Variants in GULP1 observed in about 807,000 individuals in gnomAD.
GULP1 encodes the protein GULP PTB domain containing engulfment adaptor 1.
GULP1 carries 19 observed loss-of-function variants against 40.9 expected under a neutral mutation model. The ratio of observed to expected loss-of-function variants is 0.46; its 90% CI spans 0.32 to 0.68. GULP1 has a LOEUF of 0.68. Ranked by LOEUF, GULP1 falls within the 30% of genes least tolerant of loss-of-function variation. GULP1 has a pLI of 0.03. For missense variants in GULP1, 312 were observed against 362.2 expected, an observed-to-expected ratio of 0.86 and a Z score of 1.12; for synonymous variants, 119 against 117.6, an observed-to-expected ratio of 1.01 and a Z score of -0.08.
chr2:188,463,799 G>A (rs2059905242), intron 2 of GULP1, among the ~76,000 whole-genome samples: 1 of 151,890 alleles, frequency 6.6e-6, no homozygotes, highest in Admixed American at 6.6e-5. Flanking sequence ...AGACTCTGAT[G>A]CATTCTTTGG....
rs532020861 is a variant in GULP1, at chr2:188,432,334, A to T, written c.-44-45325A>T. ...TTATTTTTAATAGTTTACCTAGATT[A>T]CTTATGAAAAACTGAGATATTAGAA... On this transcript the variant is annotated intron_variant, in intron 2 of 11. Coordinates refer to ENST00000409830, the MANE Select transcript of GULP1 (RefSeq NM_016315.4). Among the ~76,000 whole-genome samples, 4 of 151,962 alleles carry T rather than the reference A, an allele frequency of 2.6e-5. No individual in the cohort carries two copies. In the South Asian group the frequency reaches 8.3e-4, roughly 32 times the overall value.
chr2:188,571,418 T>C (rs543550815), intron 9 of GULP1, among the ~76,000 whole-genome samples: 1 of 152,072 alleles, frequency 6.6e-6, no homozygotes, highest in Non-Finnish European at 1.5e-5. Flanking sequence ...AAACTCACAT[T>C]TTTCCACCTC....
At chr2:188,569,420 T>A (rs891456072) in intron 8 of GULP1, 65 bp downstream of exon 8, 1 of 853,432 alleles carries the variant, frequency 1.2e-6, no homozygotes, top group Non-Finnish European at 2.0e-6. Flanking sequence ...TTGCATATCG[T>A]CAAACAAATT....
rs113726657 is a variant in GULP1 at position 188,413,045 on chromosome 2, A to G, written c.-45+29156A>G. On this transcript the variant is annotated intron_variant, in intron 2 of 11. Transcript: ENST00000409830. ...GTGATTTGTCCAAATACATTCAGCAATGTAACACTGGAGACAGTTAAACTC... is the reference window on the plus strand; with the variant it reads ...GTGATTTGTCCAAATACATTCAGCAGTGTAACACTGGAGACAGTTAAACTC... Among the ~76,000 whole-genome samples the G allele has an allele frequency of 6.7e-3, 1,014 of 152,268 alleles. 17 individuals are homozygous for G. Among genetic ancestry groups the G allele is most frequent in the African/African-American group, 0.023 (965 of 41,558 alleles).
At chr2:188,532,651 C>G (rs1469944543) in intron 6 of GULP1, among the ~76,000 whole-genome samples, 12 of 151,694 alleles carry the variant, frequency 7.9e-5, no homozygotes, top group Non-Finnish European at 1.6e-4. Flanking sequence ...GGTGCAGTGG[C>G]TCATGCCTGT....
intron 2 of GULP1, among the ~76,000 whole-genome samples, chr2:188,430,067 C>T (rs2056687483): frequency 6.6e-6 from 1 of 152,066 alleles, no homozygotes; most frequent in African/African-American, 2.4e-5. Flanking sequence ...TAATAAGCCC[C>T]TAGCAATAGC....
At chr2:188,541,466 G>C (rs746245695) in intron 7 of GULP1, 148 bp downstream of exon 7, 1 of 738,972 alleles carries the variant, frequency 1.4e-6, no homozygotes, top group South Asian at 1.5e-5. Flanking sequence ...TGTACTAATA[G>C]ATTTATTTTG....
chr2:188,389,617 A>T lies in GULP1; in HGVS notation c.-45+5728A>T, dbSNP rs1293221050. 2.0e-5 allele frequency among the ~76,000 whole-genome samples: 3 copies of T among 152,154 alleles called. No homozygotes were observed. The East Asian group carries it at 5.8e-4, about 29-fold the overall frequency. On this transcript the variant is annotated intron_variant, in intron 2 of 11. Coordinates refer to ENST00000409830, the MANE Select transcript of GULP1 (RefSeq NM_016315.4). ...AAAAAATAAAGGGAATTAATTCTTT[A>T]AAAAAATTTCAGTAGGTCTTGGGGT...
chr2:188,538,213 T>C (rs946655192), intron 6 of GULP1, among the ~76,000 whole-genome samples: 4 of 152,116 alleles, frequency 2.6e-5, no homozygotes, highest in African/African-American at 7.2e-5. Context: ...TAGTTATATC[T>C]TCTGCTAGCT....
chr2:188,483,660 A>G (rs550472345), intron 4 of GULP1, among the ~76,000 whole-genome samples, 168 bp downstream of exon 4: 2 of 152,134 alleles, frequency 1.3e-5, no homozygotes, highest in African/African-American at 4.8e-5. Flanking sequence ...TCTCTGTAGA[A>G]TAGTTTCTCT....
chr2:188,431,203 TAAGTTATACTGGAGGA>T (rs2056832089), intron 2 of GULP1, among the ~76,000 whole-genome samples: 1 of 152,154 alleles, frequency 6.6e-6, no homozygotes, highest in Non-Finnish European at 1.5e-5. Context: ...AGTACAGAAT[TAAGTTATACTGGAGGA>T]AAACCGTGTC....
intron 3 of GULP1, among the ~76,000 whole-genome samples, chr2:188,481,961 A>G (rs571387135): frequency 1.3e-5 from 2 of 148,806 alleles, no homozygotes; most frequent in South Asian, 4.1e-4. Context: ...AGCAATCACA[A>G]AAAGTATAGC....
chr2:188,475,696 C>A (rs542877608), intron 2 of GULP1, among the ~76,000 whole-genome samples: 3 of 151,874 alleles, frequency 2.0e-5, no homozygotes, highest in African/African-American at 7.3e-5. Context: ...CGTTCTTTTT[C>A]TACTAGTTTA....
chr2:188,319,397 G>T (rs4667220), intron 1 of GULP1, among the ~76,000 whole-genome samples: 2 of 151,990 alleles, frequency 1.3e-5, no homozygotes, highest in African/African-American at 4.8e-5. Flanking sequence ...TTTCAGACTT[G>T]TACATCTTGA....
At chr2:188,456,312 G>A (rs559451906) in intron 2 of GULP1, among the ~76,000 whole-genome samples, 6 of 152,204 alleles carry the variant, frequency 3.9e-5, no homozygotes, top group South Asian at 2.1e-4. Context: ...ATCACGTGCC[G>A]GAAGGCCTAG....
In GULP1 at chr2:188,417,954, T is replaced by C. The variant is rs189754948; in HGVS notation, c.-45+34065T>C. Among the ~76,000 whole-genome samples, 3 of 151,846 alleles carry C rather than the reference T, an allele frequency of 2.0e-5. No homozygotes were observed. In the East Asian group the frequency reaches 5.8e-4, roughly 30 times the overall value. Reference sequence around the variant, plus strand: ...TTACAGACACATCATCTCACACAGCTGATTTTTTTTTGTTTTTTTGTTTTG... The same window carrying C: ...TTACAGACACATCATCTCACACAGCCGATTTTTTTTTGTTTTTTTGTTTTG... On this transcript the variant is annotated intron_variant, in intron 2 of 11. Transcript: ENST00000409830.
chr2:188,310,316 A>G (rs2037868602), intron 1 of GULP1, among the ~76,000 whole-genome samples: 1 of 152,222 alleles, frequency 6.6e-6, no homozygotes, highest in African/African-American at 2.4e-5. Flanking sequence ...AAATTGGAAA[A>G]TGTTAAAATA....
In GULP1 at chr2:188,529,106, C is replaced by T. The variant is rs1686907438; in HGVS notation, c.172C>T (p.His58Tyr). 4 of 1,479,516 alleles carry T rather than the reference C, an allele frequency of 2.7e-6. No individual in the cohort carries two copies. Among genetic ancestry groups the T allele is most frequent in the Non-Finnish European group, 3.7e-6 (4 of 1,067,078 alleles). 91.6% of individuals were successfully genotyped at this position (1,479,516 alleles called of 1,614,324 possible). A position where few individuals can be genotyped will look rare whatever the true frequency, so the allele number is the denominator to read the frequency against. Reference protein sequence around the residue: ...DAVRKLKFARHIKKSEGQKIP... With the variant: ...DAVRKLKFARYIKKSEGQKIP... ...AATTTTTCATTCGTAGTTTGCAAGA[C>T]ATATCAAGAAATCTGAAGGCCAGAA... is the stretch of plus-strand genomic sequence containing the variant. Residue 58 changes from histidine to tyrosine, a missense_variant, in exon 6 of 12, where the codon CAT (histidine) becomes TAT (tyrosine). Coordinates refer to ENST00000409830, the MANE Select transcript of GULP1 (RefSeq NM_016315.4).
intron 7 of GULP1, among the ~76,000 whole-genome samples, chr2:188,560,299 A>G (rs1246793640): frequency 6.6e-6 from 1 of 152,200 alleles, no homozygotes; most frequent in Non-Finnish European, 1.5e-5. Context: ...GCAGGGGCAC[A>G]ATGCAGCTAA....
Sources: allele counts gnomAD v4.1 joint callset (sites outside exome capture counted in the v4.1 genomes callset), GRCh38; gene constraint gnomAD v4.1.1; transcripts MANE v1.5; gene names NCBI Gene and HGNC (gene_info 2026-07-23, HGNC 2026-07-21).